The following FAM171B variants were observed in gnomAD, a reference collection of about 807,000 sequenced individuals.
FAM171B encodes the protein protein FAM171B.
Under a neutral mutation model 75.6 loss-of-function variants are expected in FAM171B, and 19 were observed. The observed-to-expected ratio is 0.25, with a 90% CI of 0.18 to 0.37. FAM171B has a LOEUF of 0.37. FAM171B is among the 10% of genes least tolerant of loss of function. FAM171B has a pLI of 1.00. For synonymous variants in FAM171B, 367 were observed against 361.7 expected (o/e 1.01, Z -0.17); for missense variants, 848 against 982.4 (o/e 0.86, Z 1.83).
chr2:186,751,057 T>G (rs1235529511), intron 4 of FAM171B, 77 bp from the exon 5 acceptor site: 4 of 1,119,882 alleles, frequency 3.6e-6, no homozygotes, highest in African/African-American at 1.5e-5. Context: ...GAGGAACTAT[T>G]TATTTTAGAC....
At chr2:186,722,467 A>T (rs1475593594) in intron 1 of FAM171B, among the ~76,000 whole-genome samples, 1 of 152,228 alleles carries the variant, frequency 6.6e-6, no homozygotes, top group Admixed American at 6.5e-5. Flanking sequence ...CACTGTGCTC[A>T]TATGTGCTTT....
At chr2:186,721,673 C>T (rs1197253444) in intron 1 of FAM171B, among the ~76,000 whole-genome samples, 3 of 152,152 alleles carry the variant, frequency 2.0e-5, no homozygotes. Context: ...CTATCACTCT[C>T]TCCTTCTGAC....
chr2:186,761,178 T>A lies in FAM171B; in HGVS notation c.1078T>A (p.Leu360Ile). The A allele has an allele frequency of 5.6e-6, 9 of 1,612,600 alleles. No homozygotes were observed. Among genetic ancestry groups the A allele is most frequent in the Non-Finnish European group, 7.6e-6 (9 of 1,179,152 alleles). ...AYHTVFLTAI[L>I]GGTIVIVIGF... ...CCACACAGTGTTTCTTACAGCCATA[T>A]TAGGAGGAACAATAGTCATTGTCAT... is the stretch of plus-strand genomic sequence containing the variant. The change falls in exon 7 of 8, where the codon TTA (leucine) becomes ATA (isoleucine). Residue 360 changes from leucine (L) to isoleucine (I), a missense_variant. Coordinates refer to ENST00000304698, the MANE Select transcript of FAM171B (RefSeq NM_177454.4).
chr2:186,710,011 G>A (rs1237622624), intron 1 of FAM171B, among the ~76,000 whole-genome samples: 1 of 152,146 alleles, frequency 6.6e-6, no homozygotes, highest in Non-Finnish European at 1.5e-5. Flanking sequence ...CACTTAGCTG[G>A]AAATTACTGA....
In FAM171B at chr2:186,757,089, G is replaced by C. The variant is rs150432898; in HGVS notation, c.1012+3040G>C. ...GAGGAATGTTGATGGAGGCTTCCTC[G>C]TGCAGGCATGATCAATTATTAACTT... is the stretch of plus-strand genomic sequence containing the variant. On this transcript the variant is annotated intron_variant, in intron 6 of 7. Coordinates refer to ENST00000304698, the MANE Select transcript of FAM171B (RefSeq NM_177454.4). 3.9e-4 allele frequency among the ~76,000 whole-genome samples: 60 copies of C among 152,138 alleles called. 1 individual carries two copies. The East Asian group carries it at 0.011, about 27-fold the overall frequency.
chr2:186,762,804 C>T lies in FAM171B; in HGVS notation c.2462C>T (p.Pro821Leu). 5.0e-6 allele frequency: 8 copies of T among 1,611,162 alleles called. No homozygotes were observed. The highest frequency in any genetic ancestry group is 5.1e-6 in the Non-Finnish European group (6 of 1,178,532). Residue 821 changes from proline to leucine, a missense_variant, in exon 8 of 8, where the codon CCA becomes CTA. Pro to Leu is a moderately conservative substitution (Grantham distance 98). Transcript: ENST00000304698. This position sits in a 1 kb window ranked among gnomAD's most constrained non-coding sequence, Gnocchi z 4.0. The stretch of plus-strand genomic sequence containing the variant: ...ATCTGGAAGAAGCGAGAGGAACGCC[C>T]ACTGATTCCCATAAATTAACTCCAA... ...TNIWKKREER[P>L]LIPIN
intron 2 of FAM171B, 100 bp from the exon 3 acceptor site, chr2:186,743,383 A>AC (rs1690320807): frequency 4.2e-6 from 3 of 722,810 alleles, no homozygotes; most frequent in Admixed American, 5.1e-5. Flanking sequence ...GTTCCCCCCC[A>AC]CAACACACTT....
Position 186,694,065 on chromosome 2 carries a change from T to G in FAM171B, c.-109T>G, listed in dbSNP as rs576693104. On this transcript the variant is annotated 5_prime_UTR_variant, in exon 1 of 8. Transcript: ENST00000304698. ...TGCCGGTGAGGGAGTGCTTGGCAGA[T>G]TGCGCGAGGGGGAGCGAGCGAGCGG... 1 of 1,346,372 alleles carries G rather than the reference T, an allele frequency of 7.4e-7. No individual in the cohort carries two copies. The highest frequency in any genetic ancestry group is 9.6e-7 in the Non-Finnish European group (1 of 1,046,126). The allele number at this position is 1,346,372 out of a possible 1,614,324, so 83.4% of individuals were successfully genotyped here.
rs969285990 is a variant in FAM171B at position 186,762,923 on chromosome 2, A to G, written c.*100A>G. ...TAAGAAAATGAGACTGAGCAATCTCATGGTTCTTGGACATGTCTCAAGCAG... is the reference window on the plus strand; with the variant it reads ...TAAGAAAATGAGACTGAGCAATCTCGTGGTTCTTGGACATGTCTCAAGCAG... On this transcript the variant is annotated 3_prime_UTR_variant, in exon 8 of 8. Transcript: ENST00000304698. The surrounding 1 kb of genome is among the most constrained non-coding windows in gnomAD (Gnocchi z 4.0). 7 of 1,400,698 alleles carry G rather than the reference A, an allele frequency of 5.0e-6. No individual in the cohort carries two copies. The highest frequency in any genetic ancestry group is 1.4e-5 in the African/African-American group (1 of 69,436). The allele number at this position is 1,400,698 out of a possible 1,614,324, so 86.8% of individuals were successfully genotyped here.
intron 5 of FAM171B, 33 bp from the exon 6 acceptor site, chr2:186,753,900 A>T (rs1342228275): frequency 6.5e-7 from 1 of 1,528,030 alleles, no homozygotes; most frequent in Non-Finnish European, 9.1e-7. Flanking sequence ...TTAAGATATA[A>T]CTGTAACAAG....
At chr2:186,744,208 T>A (rs1690334154) in intron 3 of FAM171B, among the ~76,000 whole-genome samples, 2 of 152,220 alleles carry the variant, frequency 1.3e-5, no homozygotes, top group Non-Finnish European at 2.9e-5. Context: ...CCTCTATAAA[T>A]GACAACAATT....
intron 6 of FAM171B, among the ~76,000 whole-genome samples, chr2:186,759,422 G>T (rs894815382): frequency 2.0e-5 from 3 of 152,068 alleles, no homozygotes; most frequent in African/African-American, 7.2e-5. Flanking sequence ...CATCCTAATT[G>T]TTCTCCATAG....
intron 1 of FAM171B, among the ~76,000 whole-genome samples, chr2:186,701,709 T>C (rs1559080321): frequency 6.6e-6 from 1 of 152,230 alleles, no homozygotes; most frequent in African/African-American, 2.4e-5. Flanking sequence ...TATTTCTTGG[T>C]ATTGATAACA....
At chr2:186,694,786 CACACACA>C (rs1559078589) in intron 1 of FAM171B, among the ~76,000 whole-genome samples, 6 of 139,774 alleles carry the variant, frequency 4.3e-5, no homozygotes, top group Admixed American at 1.5e-4. Flanking sequence ...CACACACACA[CACACACA>C]CCGTTCTTAA....
chr2:186,734,180 G>T (rs1690163633), intron 1 of FAM171B, among the ~76,000 whole-genome samples: 1 of 152,162 alleles, frequency 6.6e-6, no homozygotes, highest in Non-Finnish European at 1.5e-5. Flanking sequence ...ACCCCGAAGT[G>T]GGTAGCTCCT....
chr2:186,711,465 A>T (rs1689808233), intron 1 of FAM171B, among the ~76,000 whole-genome samples: 1 of 152,100 alleles, frequency 6.6e-6, no homozygotes, highest in African/African-American at 2.4e-5. Flanking sequence ...AAAAACTGGG[A>T]GTTGTCATCT....
rs1056834515 is a variant in FAM171B at position 186,763,762 on chromosome 2, CTAAAA to C, written c.*947_*951del. 13 of 151,956 alleles carry C rather than the reference CTAAAA, an allele frequency of 8.6e-5. No individual in the cohort carries two copies. Among genetic ancestry groups the C allele is most frequent in the African/African-American group, 2.9e-4 (12 of 41,494 alleles). The allele number at this position is 151,956 out of a possible 1,614,324, so 9.4% of individuals were successfully genotyped here. On this transcript the variant is annotated 3_prime_UTR_variant, in exon 8 of 8. Transcript: ENST00000304698. ...TCGATGTGAAAGTTTCTTTTGAACACTAAAATAAAATATGTGCAGATAAAATATAC... is the reference window on the plus strand; with the variant it reads ...TCGATGTGAAAGTTTCTTTTGAACACTAAAATATGTGCAGATAAAATATAC...
Position 186,761,555 on chromosome 2 carries a change from T to G in FAM171B, c.1213T>G (p.Ser405Ala). The G allele has an allele frequency of 6.2e-7, 1 of 1,608,492 alleles. No individual in the cohort carries two copies. The highest frequency in any genetic ancestry group is 8.5e-7 in the Non-Finnish European group (1 of 1,178,464). ...GGTCCTCAAGAGAGACCAGACAACT[T>G]CAACAACACACATAAATCATATCAG... ...LEVLKRDQTT[S>A]TTHINHISTV... Residue 405 changes from serine to alanine, a missense_variant, in exon 8 of 8, where the codon TCA becomes GCA. Ser to Ala is a moderately conservative substitution (Grantham distance 99, BLOSUM62 1). Transcript: ENST00000304698.
intron 1 of FAM171B, among the ~76,000 whole-genome samples, chr2:186,706,154 C>G (rs1689730608): frequency 1.3e-5 from 2 of 152,288 alleles, no homozygotes; most frequent in South Asian, 4.1e-4. Context: ...AGGGCTTACT[C>G]TGGTTGTTAG....
Sources: allele counts gnomAD v4.1 joint callset (sites outside exome capture counted in the v4.1 genomes callset), GRCh38; gene constraint gnomAD v4.1.1; non-coding constraint Gnocchi (gnomAD v3.1); transcripts MANE v1.5; gene names NCBI Gene and HGNC (gene_info 2026-07-23, HGNC 2026-07-21).